FAM110B: variants seen among roughly 807,000 people sequenced by gnomAD.
The protein encoded by FAM110B is family with sequence similarity 110 member B.
Under a neutral mutation model 20.4 loss-of-function variants are expected in FAM110B, and 6 were observed. The ratio of observed to expected loss-of-function variants is 0.29; its 90% CI spans 0.16 to 0.58. The LOEUF (loss-of-function observed/expected upper bound fraction) is 0.58. Ranked by LOEUF, FAM110B falls within the 20% of genes least tolerant of loss-of-function variation. The pLI is 0.90. For missense variants in FAM110B, 434 were observed against 498.2 expected (o/e 0.87, Z 1.23); for synonymous variants, 226 against 214.1 (o/e 1.06, Z -0.49).
At chr8:58,020,907 G>A (rs955578432) in intron 1 of FAM110B, among the ~76,000 whole-genome samples, 2 of 139,376 alleles carry the variant, frequency 1.4e-5, no homozygotes, top group Non-Finnish European at 3.0e-5. Flanking sequence ...TCTAGACGAG[G>A]CGTCCTCAGA....
At chr8:58,076,797 A>G (rs1806048262) in intron 3 of FAM110B, among the ~76,000 whole-genome samples, 1 of 152,210 alleles carries the variant, frequency 6.6e-6, no homozygotes, top group Admixed American at 6.5e-5. Flanking sequence ...CAGTGCCCAC[A>G]TTCTGAGTGG....
intron 3 of FAM110B, among the ~76,000 whole-genome samples, chr8:58,096,309 G>A (rs1286900307): frequency 1.3e-5 from 2 of 152,040 alleles, no homozygotes; most frequent in African/African-American, 4.8e-5. Context: ...CCGAGTAGCT[G>A]GGATTACAGG....
chr8:58,084,100 G>A (rs1199899725), intron 3 of FAM110B, among the ~76,000 whole-genome samples: 1 of 152,168 alleles, frequency 6.6e-6, no homozygotes, highest in East Asian at 1.9e-4. Flanking sequence ...ATCTTCAGAA[G>A]TTACAAGGCT....
chr8:57,996,984 T>C (rs1436752043), intron 1 of FAM110B, among the ~76,000 whole-genome samples: 1 of 152,262 alleles, frequency 6.6e-6, no homozygotes, highest in Non-Finnish European at 1.5e-5. Context: ...TTAGATATTT[T>C]AAATGATTGT....
At chr8:58,078,547 C>CTTTTTTTTT (rs71555701) in intron 3 of FAM110B, among the ~76,000 whole-genome samples, 5 of 115,546 alleles carry the variant, frequency 4.3e-5, no homozygotes, top group African/African-American at 6.9e-5. Context: ...AGATTTTTGC[C>CTTTTTTTTT]TTTTTTTTTT....
At chr8:58,102,578 C>T (rs1325059309) in intron 3 of FAM110B, among the ~76,000 whole-genome samples, 2 of 152,112 alleles carry the variant, frequency 1.3e-5, no homozygotes, top group Non-Finnish European at 2.9e-5. Flanking sequence ...ATGTCTATTG[C>T]TTTTGTTGCG....
At chr8:58,095,888 G>T (rs933598641) in intron 3 of FAM110B, among the ~76,000 whole-genome samples, 5 of 152,120 alleles carry the variant, frequency 3.3e-5, no homozygotes, top group African/African-American at 1.2e-4. Flanking sequence ...CTCTTTGTAG[G>T]TCTCTAAGGA....
At chr8:58,137,708 G>GTACACTA (rs1803652436) in intron 3 of FAM110B, among the ~76,000 whole-genome samples, 1 of 152,224 alleles carries the variant, frequency 6.6e-6, no homozygotes, top group South Asian at 2.1e-4. Context: ...GGAAACTCAG[G>GTACACTA]TACACTAGCT....
chr8:58,015,626 A>G, intron 1 of FAM110B, among the ~76,000 whole-genome samples: 1 of 152,054 alleles, frequency 6.6e-6, no homozygotes, highest in Non-Finnish European at 1.5e-5. Context: ...CAGGCAGATC[A>G]CTTGAGGTCA....
intron 1 of FAM110B, among the ~76,000 whole-genome samples, chr8:58,000,231 G>A (rs922711821): frequency 1.3e-5 from 2 of 152,224 alleles, no homozygotes; most frequent in Admixed American, 1.3e-4. Flanking sequence ...ATGGACCACA[G>A]CGGAGTTGGG....
At chr8:58,143,485 ATG>A (rs1409139571) in intron 3 of FAM110B, among the ~76,000 whole-genome samples, 7 of 152,238 alleles carry the variant, frequency 4.6e-5, no homozygotes, top group Non-Finnish European at 1.5e-5. Flanking sequence ...GATAATTGCT[ATG>A]TGTGACATAA....
intron 2 of FAM110B, among the ~76,000 whole-genome samples, chr8:58,067,422 C>T (rs1805795390): frequency 6.6e-6 from 1 of 152,218 alleles, no homozygotes; most frequent in African/African-American, 2.4e-5. Context: ...TTGAGCCAAA[C>T]AAACCCTTTC....
chr8:58,042,229 T>TA (rs1170216411), intron 2 of FAM110B, among the ~76,000 whole-genome samples: 1 of 152,262 alleles, frequency 6.6e-6, no homozygotes, highest in Non-Finnish European at 1.5e-5. Flanking sequence ...GAAGAAATTC[T>TA]AAAATCACAG....
At chr8:58,086,131 T>C (rs999588749) in intron 3 of FAM110B, among the ~76,000 whole-genome samples, 3 of 152,216 alleles carry the variant, frequency 2.0e-5, no homozygotes, top group African/African-American at 7.2e-5. Flanking sequence ...GTCATGTTCA[T>C]AACCGAATCT....
chr8:58,033,317 T>G (rs1805008826), intron 2 of FAM110B, among the ~76,000 whole-genome samples: 1 of 152,148 alleles, frequency 6.6e-6, no homozygotes, highest in African/African-American at 2.4e-5. Context: ...TACACCTAGG[T>G]TGAGTCTGTG....
chr8:58,028,881 C>G lies in FAM110B; in HGVS notation c.-511-2725C>G, dbSNP rs1308945583. Among the ~76,000 whole-genome samples the G allele has an allele frequency of 2.0e-5, 3 of 152,202 alleles. No individual in the cohort carries two copies. The East Asian group carries it at 5.8e-4, about 29-fold the overall frequency. ...CCCAGGAAAACCGCATGTGGATTTA[C>G]TAACTACCCATCTAAAGACACACTC... is the stretch of plus-strand genomic sequence containing the variant. On this transcript the variant is annotated intron_variant, in intron 1 of 3. Transcript: ENST00000519262.
chr8:58,147,348 G>T lies in FAM110B; in HGVS notation c.*5G>T, dbSNP rs767701067. 9 of 1,609,604 alleles carry T rather than the reference G, an allele frequency of 5.6e-6. No individual in the cohort carries two copies. The African/African-American group carries it at 1.2e-4, about 21-fold the overall frequency. On this transcript the variant is annotated 3_prime_UTR_variant, in exon 4 of 4. Coordinates refer to ENST00000519262, the MANE Select transcript of FAM110B (RefSeq NM_001377989.1). The stretch of plus-strand genomic sequence containing the variant: ...CAGAAGGTCTCCCATGTGTAAGACA[G>T]TGCGTGGAAAGGAGGGAGCGTGGGT...
At chr8:58,007,469 A>T (rs10454353) in intron 1 of FAM110B, among the ~76,000 whole-genome samples, 45,292 of 151,794 alleles carry the variant, frequency 0.3, 6,973 homozygotes, top group Middle Eastern at 0.45. Flanking sequence ...TCACTTTTCC[A>T]CCCCTCCATC....
rs190193276 is a variant in FAM110B at position 58,108,931 on chromosome 8, G to A, written c.-325+33308G>A. Among the ~76,000 whole-genome samples the A allele has an allele frequency of 9.2e-5, 14 of 152,258 alleles. No homozygotes were observed. The East Asian group carries it at 2.5e-3, about 27-fold the overall frequency. On this transcript the variant is annotated intron_variant, in intron 3 of 3. Transcript: ENST00000519262. ...GGTGCCCTTTATGTACAAGGCATTTGACAAGCACAGTCTCAACCCACCCAA... is the reference window on the plus strand; with the variant it reads ...GGTGCCCTTTATGTACAAGGCATTTAACAAGCACAGTCTCAACCCACCCAA...
Sources: gnomAD v4.1 joint callset for allele counts (sites outside exome capture counted in the v4.1 genomes callset) on GRCh38, gnomAD v4.1.1 for gene constraint, MANE v1.5 for transcripts, NCBI Gene and HGNC (gene_info 2026-07-23, HGNC 2026-07-21) for gene names.